TAF4B: variants seen among roughly 807,000 people sequenced by gnomAD.
The protein encoded by TAF4B is transcription initiation factor TFIID subunit 4B.
A neutral mutation model predicts 86.4 loss-of-function variants in TAF4B; 38 were observed. That is an observed-to-expected ratio of 0.44 (90% CI 0.34 to 0.58). The LOEUF (loss-of-function observed/expected upper bound fraction) is 0.58, where lower values mean the gene tolerates loss of function less well. Ranked by LOEUF, TAF4B falls within the 20% of genes least tolerant of loss-of-function variation. The probability of loss-of-function intolerance (pLI) is 0.02; values close to 1 mark genes in which losing one functional copy is unlikely to be tolerated. For missense variants in TAF4B, 988 were observed against 1,027.6 expected (o/e 0.96, Z 0.53); for synonymous variants, 388 against 391.2 (o/e 0.99, Z 0.10).
intron 7 of TAF4B, among the ~76,000 whole-genome samples, chr18:26,287,029 G>T (rs544545747): frequency 6.6e-6 from 1 of 152,154 alleles, no homozygotes; most frequent in South Asian, 2.1e-4. Flanking sequence ...ACCTGAGAGT[G>T]GTTGCAAAAA....
intron 3 of TAF4B, among the ~76,000 whole-genome samples, chr18:26,271,969 G>T (rs1392567382): frequency 1.4e-5 from 2 of 148,034 alleles, no homozygotes; most frequent in Admixed American, 1.3e-4. Context: ...GAGGGGGAAT[G>T]GAATTTATTA....
At position 26,274,832 on chromosome 18, in the gene TAF4B, C is replaced by T. The variant is rs2056364043; in HGVS notation, c.759+8C>T. 1 of 1,614,138 alleles carries T rather than the reference C, an allele frequency of 6.2e-7. No homozygotes were observed. Among genetic ancestry groups the T allele is most frequent in the Non-Finnish European group, 8.5e-7 (1 of 1,179,990 alleles). On this transcript the variant is annotated splice_region_variant and intron_variant, in intron 4 of 14. Coordinates refer to ENST00000269142, the MANE Select transcript of TAF4B (RefSeq NM_005640.3). ...CAGATTAATCTTTCTCCGGTAAGCT[C>T]TTACTTGCACCTTACATAAATCTTG...
At chr18:26,228,643 G>A (rs1039538043) in intron 1 of TAF4B, among the ~76,000 whole-genome samples, 4 of 151,450 alleles carry the variant, frequency 2.6e-5, no homozygotes, top group African/African-American at 9.7e-5. Context: ...AAAGTATTAA[G>A]AAAGAACTGT....
At chr18:26,293,889 AG>A (rs2056628239) in intron 9 of TAF4B, among the ~76,000 whole-genome samples, 1 of 152,116 alleles carries the variant, frequency 6.6e-6, no homozygotes, top group African/African-American at 2.4e-5. Flanking sequence ...ACATAAATGG[AG>A]TTTTACGTTA....
intron 1 of TAF4B, among the ~76,000 whole-genome samples, chr18:26,244,560 C>T (rs2144478166): frequency 6.6e-6 from 1 of 152,310 alleles, no homozygotes; most frequent in African/African-American, 2.4e-5. Context: ...TTGGCTCACA[C>T]TCCGTGGGCT....
intron 2 of TAF4B, 69 bp downstream of exon 2, chr18:26,265,384 A>T: frequency 6.9e-7 from 1 of 1,452,714 alleles, no homozygotes; most frequent in South Asian, 1.6e-5. Flanking sequence ...AATGTTGTGT[A>T]TATGTTTGCT....
rs776976703 is a variant in TAF4B, at chr18:26,285,222, G to GTTTTTTTTTTTTTTTTTTTTTTT, written c.973-646_973-645insTTTTTTTTTTTTTTTTTTTTTTT. ...ATTTCTTCCTTTCCTTTTTTTTTTT[G>GTTTTTTTTTTTTTTTTTTTTTTT]TTTTTTTTTTTTTTGGAGATGGGGT... On this transcript the variant is annotated intron_variant, in intron 6 of 14. Transcript: ENST00000269142. Among the ~76,000 whole-genome samples, 34 of 45,680 alleles carry GTTTTTTTTTTTTTTTTTTTTTTT rather than the reference G, an allele frequency of 7.4e-4. 2 individuals are homozygous for GTTTTTTTTTTTTTTTTTTTTTTT. Among genetic ancestry groups the GTTTTTTTTTTTTTTTTTTTTTTT allele is most frequent in the African/African-American group, 8.8e-4 (14 of 15,982 alleles). 30.0% of individuals were successfully genotyped at this position (45,680 alleles called of 152,430 possible).
At chr18:26,234,504 G>A (rs961395209) in intron 1 of TAF4B, among the ~76,000 whole-genome samples, 3 of 152,146 alleles carry the variant, frequency 2.0e-5, no homozygotes, top group Non-Finnish European at 4.4e-5. Context: ...TCTAAGGCTC[G>A]GGTAAGTGCC....
intron 9 of TAF4B, among the ~76,000 whole-genome samples, chr18:26,303,869 T>C (rs1455465025): frequency 1.3e-5 from 2 of 152,162 alleles, no homozygotes; most frequent in Admixed American, 6.6e-5. Context: ...TGAACATGAT[T>C]TATATCTCCA....
intron 14 of TAF4B, among the ~76,000 whole-genome samples, chr18:26,383,063 A>G (rs1978299720): frequency 6.6e-6 from 1 of 152,166 alleles, no homozygotes; most frequent in Non-Finnish European, 1.5e-5. Flanking sequence ...AAGGAAAAAT[A>G]TTTTGTTCAT....
intron 3 of TAF4B, among the ~76,000 whole-genome samples, chr18:26,271,504 C>T (rs2056318676): frequency 6.6e-6 from 1 of 152,160 alleles, no homozygotes. Flanking sequence ...ACATTTATTT[C>T]ACATATACTT....
Position 26,320,646 on chromosome 18 carries a change from G to A in TAF4B, c.2003-424G>A, listed in dbSNP as rs74469965. On this transcript the variant is annotated intron_variant, in intron 10 of 14. Transcript: ENST00000269142. Reference sequence around the variant, plus strand: ...AGGCATTAACAGAGACTCATAATCTGAATTCATTTAAATAAATGTCATAAA... The same window carrying A: ...AGGCATTAACAGAGACTCATAATCTAAATTCATTTAAATAAATGTCATAAA... 9.8e-3 allele frequency among the ~76,000 whole-genome samples: 1,485 copies of A among 152,278 alleles called. 14 individuals carry two copies. The highest frequency in any genetic ancestry group is 0.026 in the East Asian group (135 of 5,188).
At chr18:26,254,197 G>A (rs2056048090) in intron 1 of TAF4B, among the ~76,000 whole-genome samples, 1 of 151,866 alleles carries the variant, frequency 6.6e-6, no homozygotes, top group African/African-American at 2.4e-5. Context: ...CAAAGCGCTG[G>A]GATTACAGGC....
chr18:26,260,494 A>C (rs1235626996), intron 1 of TAF4B, among the ~76,000 whole-genome samples: 1 of 152,176 alleles, frequency 6.6e-6, no homozygotes, highest in African/African-American at 2.4e-5. Context: ...TCAGCTTTCT[A>C]CATATGGCTA....
At chr18:26,388,915 A>G (rs954245582) in intron 14 of TAF4B, among the ~76,000 whole-genome samples, 1 of 152,078 alleles carries the variant, frequency 6.6e-6, no homozygotes, top group Non-Finnish European at 1.5e-5. Flanking sequence ...TCCTGGGTTC[A>G]ATTCTCCTGC....
intron 6 of TAF4B, among the ~76,000 whole-genome samples, chr18:26,285,222 G>GTTTTTTGTTTTTTTTTT (rs1555677503): frequency 4.4e-5 from 2 of 45,660 alleles, no homozygotes; most frequent in African/African-American, 1.3e-4. Context: ...TTTTTTTTTT[G>GTTTTTTGTTTTTTTTTT]TTTTTTTTTT....
At chr18:26,384,079 T>C (rs1978309097) in intron 14 of TAF4B, among the ~76,000 whole-genome samples, 1 of 152,222 alleles carries the variant, frequency 6.6e-6, no homozygotes. Flanking sequence ...CAAGTCTTCA[T>C]TCTACTCCCT....
intron 14 of TAF4B, among the ~76,000 whole-genome samples, chr18:26,380,578 C>T (rs1172014646): frequency 3.3e-5 from 5 of 152,226 alleles, no homozygotes; most frequent in East Asian, 1.9e-4. Context: ...TCTGTCCTTG[C>T]GAATTGATCT....
intron 14 of TAF4B, among the ~76,000 whole-genome samples, chr18:26,372,381 A>T (rs2057411552): frequency 6.6e-6 from 1 of 152,116 alleles, no homozygotes; most frequent in African/African-American, 2.4e-5. Flanking sequence ...AATTGCAGGT[A>T]TTTTTTCCAG....
Sources: gnomAD v4.1 joint callset for allele counts (sites outside exome capture counted in the v4.1 genomes callset) on GRCh38, gnomAD v4.1.1 for gene constraint, MANE v1.5 for transcripts, NCBI Gene and HGNC (gene_info 2026-07-23, HGNC 2026-07-21) for gene names.